Variants in FAM107B observed in about 807,000 individuals in gnomAD.
FAM107B encodes the protein family with sequence similarity 107 member B, also known as protein FAM107B.
In FAM107B, 21 loss-of-function variants were observed where a neutral mutation model predicts 31.5. The ratio of observed to expected loss-of-function variants is 0.67; its 90% CI spans 0.47 to 0.96. The LOEUF (loss-of-function observed/expected upper bound fraction) is 0.96, where lower values mean the gene tolerates loss of function less well. FAM107B is among the 40% of genes least tolerant of loss of function. The probability of loss-of-function intolerance (pLI) is 0.00; values close to 1 mark genes in which losing one functional copy is unlikely to be tolerated. For missense variants in FAM107B, 452 were observed against 377.1 expected, an observed-to-expected ratio of 1.20 and a Z score of -1.64; for synonymous variants, 157 against 141.5, an observed-to-expected ratio of 1.11 and a Z score of -0.78.
intron 1 of FAM107B, among the ~76,000 whole-genome samples, chr10:14,748,561 G>A (rs1832770202): frequency 6.6e-6 from 1 of 152,244 alleles, no homozygotes; most frequent in South Asian, 2.1e-4. Flanking sequence ...GCAGCTTAAA[G>A]TAGAAGAACT....
chr10:14,751,173 G>A (rs1043221711), intron 1 of FAM107B, among the ~76,000 whole-genome samples: 10 of 152,226 alleles, frequency 6.6e-5, no homozygotes, highest in African/African-American at 2.4e-4. Flanking sequence ...GGTCCCAGGG[G>A]AGCGGCGGAA....
chr10:14,548,103 A>G (rs923007593), intron 2 of FAM107B, among the ~76,000 whole-genome samples: 1 of 152,232 alleles, frequency 6.6e-6, no homozygotes, highest in African/African-American at 2.4e-5. Flanking sequence ...AGCTGTCAGC[A>G]AGACCAGGAC....
intron 2 of FAM107B, among the ~76,000 whole-genome samples, chr10:14,558,964 A>G (rs1178168285): frequency 6.6e-6 from 1 of 152,178 alleles, no homozygotes; most frequent in Non-Finnish European, 1.5e-5. Flanking sequence ...AGAATTATAC[A>G]TCCTTCAAAG....
chr10:14,769,199 T>C lies in FAM107B; in HGVS notation c.411+5054A>G, dbSNP rs377451626. On this transcript the variant is annotated intron_variant, in intron 1 of 4. Coordinates refer to ENST00000181796, the MANE Select transcript of FAM107B (RefSeq NM_031453.4). ...ACAAAACTGTGTTTGGAGACAGCAG[T>C]GCTGAGGCTCAGACGCTCAGTAACC... Among the ~76,000 whole-genome samples, 4 of 152,294 alleles carry C rather than the reference T, an allele frequency of 2.6e-5. No individual in the cohort carries two copies. The East Asian group carries it at 7.7e-4, about 29-fold the overall frequency.
intron 2 of FAM107B, among the ~76,000 whole-genome samples, chr10:14,655,783 C>T (rs1032004236): frequency 1.3e-5 from 2 of 152,230 alleles, no homozygotes; most frequent in Admixed American, 6.5e-5. Flanking sequence ...TGAGGCTTAA[C>T]CCTCCTGGGG....
At chr10:14,730,700 C>T (rs749837635) in intron 1 of FAM107B, among the ~76,000 whole-genome samples, 7 of 152,144 alleles carry the variant, frequency 4.6e-5, no homozygotes, top group South Asian at 4.1e-4. Flanking sequence ...GCAGATTGTG[C>T]GGAGGCTACT....
At chr10:14,759,565 C>T (rs1413699208) in intron 1 of FAM107B, among the ~76,000 whole-genome samples, 4 of 152,158 alleles carry the variant, frequency 2.6e-5, no homozygotes, top group Non-Finnish European at 5.9e-5. Flanking sequence ...GATGGGGGCG[C>T]TGTCATTTTG....
intron 2 of FAM107B, among the ~76,000 whole-genome samples, chr10:14,588,415 A>C (rs1851912273): frequency 6.6e-6 from 1 of 152,222 alleles, no homozygotes; most frequent in Non-Finnish European, 1.5e-5. Context: ...ATTTGATGAC[A>C]AATTGTTTAA....
At chr10:14,622,682 A>G (rs774016203) in intron 2 of FAM107B, among the ~76,000 whole-genome samples, 4 of 152,022 alleles carry the variant, frequency 2.6e-5, no homozygotes, top group Non-Finnish European at 5.9e-5. Context: ...CACTAGACAC[A>G]CTCTTATTGG....
intron 2 of FAM107B, among the ~76,000 whole-genome samples, chr10:14,647,961 G>A (rs148611771): frequency 1.1e-3 from 162 of 151,122 alleles, no homozygotes; most frequent in Middle Eastern, 3.4e-3. Flanking sequence ...AGTCTTCTGC[G>A]GAGAAACTGA....
At chr10:14,728,453 A>C in intron 1 of FAM107B, among the ~76,000 whole-genome samples, 1 of 152,144 alleles carries the variant, frequency 6.6e-6, no homozygotes, top group South Asian at 2.1e-4. Context: ...AGGGGAAAGG[A>C]AAGAAGAACT....
intron 1 of FAM107B, among the ~76,000 whole-genome samples, chr10:14,770,785 G>A (rs1301296105): frequency 6.6e-6 from 1 of 151,902 alleles, no homozygotes; most frequent in Non-Finnish European, 1.5e-5. Context: ...AGACATGTGC[G>A]CTCATCACTA....
rs190836614 is a variant in FAM107B, at chr10:14,613,128, T to C, written c.469+54506A>G. Among the ~76,000 whole-genome samples, 396 of 152,166 alleles carry C rather than the reference T, an allele frequency of 2.6e-3. 2 individuals carry two copies. The highest frequency in any genetic ancestry group is 8.6e-3 in the African/African-American group (358 of 41,528). ...CTAGGATGACAAGCGTGCACCGCCATGGCCGGTTAATTTTTGTGTTTTTAG... is the reference window on the plus strand; with the variant it reads ...CTAGGATGACAAGCGTGCACCGCCACGGCCGGTTAATTTTTGTGTTTTTAG... On this transcript the variant is annotated intron_variant, in intron 2 of 4. Coordinates refer to ENST00000181796, the MANE Select transcript of FAM107B (RefSeq NM_031453.4).
At chr10:14,753,398 T>G (rs191241960) in intron 1 of FAM107B, among the ~76,000 whole-genome samples, 5 of 152,094 alleles carry the variant, frequency 3.3e-5, no homozygotes, top group Non-Finnish European at 7.4e-5. Flanking sequence ...GAAGATTAGA[T>G]TAAAAACCAA....
chr10:14,616,900 C>T (rs1464837696), intron 2 of FAM107B, among the ~76,000 whole-genome samples: 2 of 151,772 alleles, frequency 1.3e-5, no homozygotes, highest in Non-Finnish European at 2.9e-5. Context: ...GCCTGGGTGA[C>T]ACAGGGAGAC....
chr10:14,521,300 G>C lies in FAM107B; in HGVS notation c.811C>G (p.Leu271Val), dbSNP rs34265970. The change falls in exon 5 of 5, where the codon CTT (leucine) becomes GTT (valine). Residue 271 changes from leucine (L) to valine (V), a missense_variant. Coordinates refer to ENST00000181796, the MANE Select transcript of FAM107B (RefSeq NM_031453.4). ...KRQQKLEQLE[L>V]EKQKLQEEQE... ...TCTTCTTGCAATTTCTGCTTCTCAA[G>C]TTCAAGCTAAATGACATTCAGAAAA... 2.4e-3 allele frequency: 3,851 copies of C among 1,613,814 alleles called. 72 individuals carry two copies. In the African/African-American group the frequency reaches 0.045, roughly 19 times the overall value.
chr10:14,691,406 C>T (rs193260302), intron 1 of FAM107B, among the ~76,000 whole-genome samples: 8 of 152,322 alleles, frequency 5.3e-5, no homozygotes, highest in Admixed American at 1.3e-4. Flanking sequence ...GGTTACTCTG[C>T]GGGCCAAGCT....
intron 2 of FAM107B, among the ~76,000 whole-genome samples, chr10:14,658,385 A>C (rs558751991): frequency 1.3e-5 from 2 of 152,348 alleles, no homozygotes; most frequent in African/African-American, 4.8e-5. Flanking sequence ...TCTATTTAGC[A>C]TCTTGAAGGC....
At chr10:14,703,737 T>C (rs913153708) in intron 1 of FAM107B, among the ~76,000 whole-genome samples, 1 of 152,228 alleles carries the variant, frequency 6.6e-6, no homozygotes. Context: ...AAATGTGGTA[T>C]CCAATTCTGC....
Sources: gnomAD v4.1 joint callset for allele counts (sites outside exome capture counted in the v4.1 genomes callset) on GRCh38, gnomAD v4.1.1 for gene constraint, MANE v1.5 for transcripts, NCBI Gene and HGNC (gene_info 2026-07-23, HGNC 2026-07-21) for gene names.